The following MMP27 variants were observed in gnomAD, a reference collection of about 807,000 sequenced individuals.
MMP27 encodes the protein matrix metallopeptidase 27.
In MMP27, 51 loss-of-function variants were observed where a neutral mutation model predicts 48.1. The ratio of observed to expected loss-of-function variants is 1.06; its 90% CI spans 0.85 to 1.34. The LOEUF (loss-of-function observed/expected upper bound fraction) is 1.34. MMP27 is among the 40% of genes most tolerant of loss of function. The probability of loss-of-function intolerance (pLI) is 0.00; values close to 1 mark genes in which losing one functional copy is unlikely to be tolerated. For synonymous variants in MMP27, 229 were observed against 208.9 expected (o/e 1.10, Z -0.83); for missense variants, 698 against 619.3 (o/e 1.13, Z -1.35).
At chr11:102,701,483 T>C (rs186166142) in intron 4 of MMP27, among the ~76,000 whole-genome samples, 1 of 152,332 alleles carries the variant, frequency 6.6e-6, no homozygotes, top group Admixed American at 6.5e-5. Flanking sequence ...TTTTGGCAAG[T>C]GCTAGGATAT....
Position 102,703,005 on chromosome 11 carries a change from C to T in MMP27, c.455G>A (p.Gly152Glu), listed in dbSNP as rs770873485. ...TPLKFTKISK[G>E]IADIMIAFRT... ...AAAGGCAATCATGATGTCTGCAATCCCCTTTGAAATCTTGGTGAATTTTAG... is the reference window on the plus strand; with the variant it reads ...AAAGGCAATCATGATGTCTGCAATCTCCTTTGAAATCTTGGTGAATTTTAG... The change falls in exon 3 of 10, where the codon GGG becomes GAG. Residue 152 changes from glycine to glutamate, a missense_variant. Transcript: ENST00000260229. 4 of 1,614,136 alleles carry T rather than the reference C, an allele frequency of 2.5e-6. No homozygotes were observed. The highest frequency in any genetic ancestry group is 2.2e-5 in the East Asian group (1 of 44,886).
rs567330519 is a variant in MMP27 at position 102,696,399 on chromosome 11, G to A, written c.874C>T (p.Arg292Cys). The A allele has an allele frequency of 4.7e-5, 76 of 1,613,784 alleles. No homozygotes were observed. Among genetic ancestry groups the A allele is most frequent in the East Asian group, 2.7e-4 (12 of 44,858 alleles). The change falls in exon 6 of 10, where the codon CGC (arginine) becomes TGC (cysteine). Residue 292 changes from arginine (R) to cysteine (C), a missense_variant. Transcript: ENST00000260229. ...DLTFDAITTF[R>C]REVMFFKGRH... ...CCTTTAAAGAACATTACTTCTCTGC[G>A]GAAAGTTGTGATAGCGTCAAAAGTC... is the stretch of plus-strand genomic sequence containing the variant.
At chr11:102,697,196 G>T (rs746502266) in intron 4 of MMP27, among the ~76,000 whole-genome samples, 1 of 152,158 alleles carries the variant, frequency 6.6e-6, no homozygotes, top group African/African-American at 2.4e-5. Context: ...TAGCACAATG[G>T]TAAGCAATTA....
rs774045524 is a variant in MMP27 at position 102,693,047 on chromosome 11, T to C, written c.1194-6A>G. 7 of 1,607,166 alleles carry C rather than the reference T, an allele frequency of 4.4e-6. No individual in the cohort carries two copies. Among genetic ancestry groups the C allele is most frequent in the Non-Finnish European group, 6.0e-6 (7 of 1,174,230 alleles). On this transcript the variant is annotated splice_region_variant and splice_polypyrimidine_tract_variant and intron_variant, in intron 8 of 9. Transcript: ENST00000260229. ...TTTGGGTCATTTCATCAAACCTGCA[T>C]ACAAGAATATGAAAGGATACCAGCG... is the stretch of plus-strand genomic sequence containing the variant.
At position 102,691,893 on chromosome 11, in the gene MMP27, G is replaced by C. The variant is rs61995943; in HGVS notation, c.1415C>G (p.Ser472Ter). The C allele has an allele frequency of 6.2e-4, 995 of 1,613,516 alleles. 5 individuals are homozygous for C. The African/African-American group carries it at 0.012, about 19-fold the overall frequency. ...TTCCTTGTTGATATCAAAACCAAAT[G>C]AGGAGTTCTTTGGTTCTTTGCATTG... ...WFQCKEPKNS[S>*]FGFDINKEKA... The change falls in exon 10 of 10, where the codon TCA (serine) becomes TGA (stop). Residue 472 changes from serine (S) to a stop codon, truncating the protein, a stop_gained. Transcript: ENST00000260229. LOFTEE classifies it low-confidence loss of function (END_TRUNC).
In MMP27 at chr11:102,705,696, G is replaced by GA; in HGVS notation, c.18dup (p.Leu7SerfsTer21). 1.2e-6 allele frequency: 2 copies of GA among 1,606,112 alleles called. No individual in the cohort carries two copies. Among genetic ancestry groups the GA allele is most frequent in the Non-Finnish European group, 1.7e-6 (2 of 1,177,488 alleles). ...GAAAATGTTATAAAGAACAAAAACA[G>GA]AAGCAGAAGGCGCTTCATTCCTCTC... is the stretch of plus-strand genomic sequence containing the variant. On this transcript the variant is annotated frameshift_variant, in exon 1 of 10. Coordinates refer to ENST00000260229, the MANE Select transcript of MMP27 (RefSeq NM_022122.3). LOFTEE classifies it high-confidence loss of function.
At chr11:102,700,310 A>C (rs190279725) in intron 4 of MMP27, among the ~76,000 whole-genome samples, 102 of 152,358 alleles carry the variant, frequency 6.7e-4, no homozygotes, top group Middle Eastern at 6.8e-3. Context: ...GATGTGACTA[A>C]ATAGACAAAT....
At position 102,704,649 on chromosome 11, in the gene MMP27, T is replaced by C. The variant is rs1179656870; in HGVS notation, c.229A>G (p.Lys77Glu). 1.2e-6 allele frequency: 2 copies of C among 1,614,038 alleles called. No homozygotes were observed. Among genetic ancestry groups the C allele is most frequent in the Non-Finnish European group, 1.7e-6 (2 of 1,180,012 alleles). Residue 77 changes from lysine (K) to glutamate (E), a missense_variant, in exon 2 of 10, where the codon AAA becomes GAA. Physicochemically the swap from Lys to Glu is moderately conservative, Grantham distance 56. Coordinates refer to ENST00000260229, the MANE Select transcript of MMP27 (RefSeq NM_022122.3). ...QAFFGLTVTGKLDSNTLEIMK... is the reference protein window; with the variant it reads ...QAFFGLTVTGELDSNTLEIMK... ...ATCTCAAGGGTGTTTGAGTCCAGTT[T>C]TCCAGTCACTGTCAATCCAAAAAAT...
Position 102,695,077 on chromosome 11 carries a change from T to C in MMP27, c.923A>G (p.Tyr308Cys), listed in dbSNP as rs1565425878. ...FKGRHLWRIY[Y>C]DITDVEFELI... ...TTCAAACTCAACATCCGTGATATCA[T>C]AATAGATCCTCCATAGGTGCCTGTG... The change falls in exon 7 of 10, where the codon TAT becomes TGT. Residue 308 changes from tyrosine to cysteine, a missense_variant. Tyr to Cys is a radical substitution (Grantham distance 194). Coordinates refer to ENST00000260229, the MANE Select transcript of MMP27 (RefSeq NM_022122.3). 1.2e-6 allele frequency: 2 copies of C among 1,613,968 alleles called. No homozygotes were observed. The highest frequency in any genetic ancestry group is 1.7e-6 in the Non-Finnish European group (2 of 1,179,914).
intron 9 of MMP27, among the ~76,000 whole-genome samples, chr11:102,692,334 C>T (rs1019245810): frequency 2.0e-5 from 3 of 152,146 alleles, no homozygotes; most frequent in South Asian, 2.1e-4. Flanking sequence ...TGGATATGGC[C>T]TTGGTCTCTA....
chr11:102,698,114 C>T (rs546165654), intron 4 of MMP27, among the ~76,000 whole-genome samples: 9 of 152,158 alleles, frequency 5.9e-5, no homozygotes, highest in Non-Finnish European at 1.2e-4. Flanking sequence ...CTAAAATAAC[C>T]ATAAGAGGTA....
At position 102,692,022 on chromosome 11, in the gene MMP27, G is replaced by GA; in HGVS notation, c.1298-13dup. On this transcript the variant is annotated splice_polypyrimidine_tract_variant and intron_variant, in intron 9 of 9. Transcript: ENST00000260229. ...GAAAAAGAAGAATCCTAGAGACAGGGAATCAGGATTAGTTATCTTTCATAA... is the reference window on the plus strand; with the variant it reads ...GAAAAAGAAGAATCCTAGAGACAGGGAAATCAGGATTAGTTATCTTTCATAA... The GA allele has an allele frequency of 8.9e-6, 14 of 1,579,854 alleles. No homozygotes were observed. The highest frequency in any genetic ancestry group is 1.1e-5 in the Non-Finnish European group (13 of 1,163,258).
Position 102,691,705 on chromosome 11 carries a change from TC to T in MMP27, c.*60del. 1 of 1,394,110 alleles carries T rather than the reference TC, an allele frequency of 7.2e-7. No homozygotes were observed. Among genetic ancestry groups the T allele is most frequent in the Non-Finnish European group, 9.6e-7 (1 of 1,038,010 alleles). 86.4% of individuals were successfully genotyped at this position (1,394,110 alleles called of 1,614,324 possible). A position where few individuals can be genotyped will look rare whatever the true frequency, so the allele number is the denominator to read the frequency against. ...ACTTGTTGTTAAAGAATGGTTTTATTCTATTTTGAAGCAGAATTTATATTAA... is the reference window on the plus strand; with the variant it reads ...ACTTGTTGTTAAAGAATGGTTTTATTTATTTTGAAGCAGAATTTATATTAA... On this transcript the variant is annotated 3_prime_UTR_variant, in exon 10 of 10. Coordinates refer to ENST00000260229, the MANE Select transcript of MMP27 (RefSeq NM_022122.3).
chr11:102,703,353 A>G (rs1220304581), intron 2 of MMP27, among the ~76,000 whole-genome samples: 1 of 152,170 alleles, frequency 6.6e-6, no homozygotes, highest in Admixed American at 6.5e-5. Flanking sequence ...TCAACAAAGG[A>G]GGCTGAAAGA....
At chr11:102,696,278 T>C in intron 6 of MMP27, 93 bp downstream of exon 6, 1 of 1,364,956 alleles carries the variant, frequency 7.3e-7, no homozygotes, top group Middle Eastern at 1.9e-4. Flanking sequence ...AGGCACACAT[T>C]TTCACTAGCC....
chr11:102,698,239 A>G (rs1860870134), intron 4 of MMP27, among the ~76,000 whole-genome samples: 1 of 152,196 alleles, frequency 6.6e-6, no homozygotes, highest in Non-Finnish European at 1.5e-5. Flanking sequence ...AAGTTTGTTT[A>G]TATCAACATC....
In MMP27 at chr11:102,692,919, G is replaced by A; in HGVS notation, c.1297+19C>T. ...CACAGTCTCTCAAGTATCCCAATAA[G>A]TGAGACATCCATGCTTACCTTTGTA... On this transcript the variant is annotated intron_variant, in intron 9 of 9. Coordinates refer to ENST00000260229, the MANE Select transcript of MMP27 (RefSeq NM_022122.3). 6.3e-7 allele frequency: 1 copy of A among 1,590,334 alleles called. No individual in the cohort carries two copies. Among genetic ancestry groups the A allele is most frequent in the Non-Finnish European group, 8.6e-7 (1 of 1,159,844 alleles).
rs1860969892 is a variant in MMP27 at position 102,702,878 on chromosome 11, T to A, written c.494A>T (p.His165Leu). 1 of 1,613,314 alleles carries A rather than the reference T, an allele frequency of 6.2e-7. No homozygotes were observed. The highest frequency in any genetic ancestry group is 1.1e-5 in the South Asian group (1 of 90,856). Residue 165 changes from histidine to leucine, a missense_variant, in exon 4 of 10, where the codon CAT becomes CTT. His to Leu is a moderately conservative substitution (Grantham distance 99, BLOSUM62 -3). Transcript: ENST00000260229. ...DIMIAFRTRV[H>L]GRCPRYFDGP... ...ATCAAAATAGCGAGGACACCGACCA[T>A]GGACTGAGATACAATTTATGCGAGG... is the stretch of plus-strand genomic sequence containing the variant.
intron 6 of MMP27, among the ~76,000 whole-genome samples, chr11:102,696,134 T>G (rs1326051978): frequency 2.0e-5 from 3 of 152,246 alleles, no homozygotes; most frequent in Non-Finnish European, 2.9e-5. Flanking sequence ...GAAAGTGGAC[T>G]CTATTTCCCT....
Sources: gnomAD v4.1 joint callset for allele counts (sites outside exome capture counted in the v4.1 genomes callset) on GRCh38, gnomAD v4.1.1 for gene constraint, MANE v1.5 for transcripts, NCBI Gene and HGNC (gene_info 2026-07-23, HGNC 2026-07-21) for gene names.